VPS54: variants seen among roughly 807,000 people sequenced by gnomAD.
VPS54 encodes VPS54 subunit of GARP complex.
In VPS54, 45 loss-of-function variants were observed where a neutral mutation model predicts 121.5. The ratio of observed to expected loss-of-function variants is 0.37; its 90% CI spans 0.29 to 0.47. VPS54 has a LOEUF of 0.47. Among genes scored for constraint, VPS54 ranks in the 20% least tolerant of loss-of-function variants. VPS54 has a pLI of 0.99. For synonymous variants in VPS54, 371 were observed against 385.8 expected (o/e 0.96, Z 0.45); for missense variants, 1,090 against 1,131.4 (o/e 0.96, Z 0.52).
At chr2:64,017,377 T>G (rs1678758506) in intron 1 of VPS54, among the ~76,000 whole-genome samples, 1 of 150,836 alleles carries the variant, frequency 6.6e-6, no homozygotes, top group Non-Finnish European at 1.5e-5. Context: ...AAGAGTGTGA[T>G]GAAGAAATTC....
chr2:64,008,840 A>G (rs1678292561), intron 1 of VPS54, among the ~76,000 whole-genome samples: 1 of 152,224 alleles, frequency 6.6e-6, no homozygotes, highest in South Asian at 2.1e-4. Flanking sequence ...CTGACTATAC[A>G]GTCAAATACA....
chr2:63,988,569 G>A (rs13023542), intron 1 of VPS54, among the ~76,000 whole-genome samples: 26,736 of 152,054 alleles, frequency 0.18, 3,157 homozygotes, highest in Non-Finnish European at 0.24. Flanking sequence ...AATTTCTTAC[G>A]CCTGTCTTTA....
chr2:64,001,235 G>A (rs1677860507), intron 1 of VPS54, among the ~76,000 whole-genome samples: 1 of 152,126 alleles, frequency 6.6e-6, no homozygotes, highest in Non-Finnish European at 1.5e-5. Flanking sequence ...TCAGCTTGTG[G>A]TGAAGGCTGC....
chr2:63,912,190 A>G (rs1454417479), intron 20 of VPS54, among the ~76,000 whole-genome samples, 155 bp downstream of exon 20: 5 of 152,104 alleles, frequency 3.3e-5, no homozygotes, highest in African/African-American at 9.7e-5. Flanking sequence ...ACATGGTCAC[A>G]TTTTCCTGAA....
At chr2:63,968,700 C>T (rs770122328) in intron 5 of VPS54, among the ~76,000 whole-genome samples, 12 of 151,186 alleles carry the variant, frequency 7.9e-5, no homozygotes, top group South Asian at 2.1e-4. Flanking sequence ...GCCTGCGAGA[C>T]GGGGCAAGAT....
chr2:63,913,069 T>G (rs1673223299), intron 18 of VPS54, among the ~76,000 whole-genome samples, 154 bp downstream of exon 18: 1 of 152,000 alleles, frequency 6.6e-6, no homozygotes, highest in Non-Finnish European at 1.5e-5. Context: ...TTTTTTTCAG[T>G]GATGAGTATA....
intron 11 of VPS54, among the ~76,000 whole-genome samples, chr2:63,942,145 T>C (rs1674769427): frequency 6.6e-6 from 1 of 151,908 alleles, no homozygotes; most frequent in African/African-American, 2.4e-5. Flanking sequence ...TTTGGGGTGA[T>C]TTTGGGGTGT....
intron 1 of VPS54, among the ~76,000 whole-genome samples, chr2:63,985,149 G>A (rs955238324): frequency 2.6e-5 from 4 of 151,970 alleles, no homozygotes; most frequent in African/African-American, 7.3e-5. Context: ...ATGAAACCTC[G>A]TATCTATAAA....
chr2:64,007,280 C>A (rs375128510), intron 1 of VPS54, among the ~76,000 whole-genome samples: 2 of 152,028 alleles, frequency 1.3e-5, no homozygotes, highest in Admixed American at 1.3e-4. Context: ...AAATTGTGCC[C>A]GTGGGAGAGA....
At position 63,897,320 on chromosome 2, in the gene VPS54, ATAGT is replaced by A. The variant is rs200398957; in HGVS notation, c.2828+172_2828+175del. Among the ~76,000 whole-genome samples, 139 of 152,276 alleles carry A rather than the reference ATAGT, an allele frequency of 9.1e-4. No individual in the cohort carries two copies. In the East Asian group the frequency reaches 0.014, roughly 15 times the overall value. ...TTGTCCATGTATAAACCCCTTTTAG[ATAGT>A]TAGATAGAAACAGATATTTCCACAG... is the stretch of plus-strand genomic sequence containing the variant. On this transcript the variant is annotated intron_variant, in intron 22 of 22. Transcript: ENST00000272322.
intron 7 of VPS54, among the ~76,000 whole-genome samples, chr2:63,959,295 T>C (rs1675642247): frequency 6.6e-6 from 1 of 152,208 alleles, no homozygotes; most frequent in Admixed American, 6.5e-5. Flanking sequence ...ATAACAAGTC[T>C]TAAACTACTT....
Position 63,920,625 on chromosome 2 carries a change from A to G in VPS54, c.1872T>C (p.Asp624=), listed in dbSNP as rs1181108855. The change falls in exon 14 of 23, where the codon GAT becomes GAC. Residue 624 remains aspartate, a splice_region_variant and synonymous_variant. Coordinates refer to ENST00000272322, the MANE Select transcript of VPS54 (RefSeq NM_016516.3). ...TGGAATTTAGCTTCTCAAGAAAACC[A>G]TCCTAAATTTTAATACAAAAATCAT... ...AVKFLMSRAK[D]GFLEKLNSME... is the part of the protein sequence containing the mutation. 2 of 1,479,230 alleles carry G rather than the reference A, an allele frequency of 1.4e-6. No individual in the cohort carries two copies. Among genetic ancestry groups the G allele is most frequent in the African/African-American group, 2.9e-5 (2 of 68,884 alleles). 91.6% of individuals were successfully genotyped at this position (1,479,230 alleles called of 1,614,324 possible). A position where few individuals can be genotyped will look rare whatever the true frequency, so the allele number is the denominator to read the frequency against.
Position 63,978,356 on chromosome 2 carries a change from G to T in VPS54, c.378+3290C>A, listed in dbSNP as rs528127883. Among the ~76,000 whole-genome samples the T allele has an allele frequency of 6.6e-5, 10 of 152,196 alleles. No homozygotes were observed. The South Asian group carries it at 2.1e-3, about 32-fold the overall frequency. ...AGGATGAAGCAAGCAAGAAGCATACGGTACAATATTTAAGGAGGTACCCAC... is the reference window on the plus strand; with the variant it reads ...AGGATGAAGCAAGCAAGAAGCATACTGTACAATATTTAAGGAGGTACCCAC... On this transcript the variant is annotated intron_variant, in intron 3 of 22. Transcript: ENST00000272322.
At chr2:63,948,417 T>TTG (rs199577723) in intron 8 of VPS54, among the ~76,000 whole-genome samples, 1,769 of 137,718 alleles carry the variant, frequency 0.013, 44 homozygotes, top group African/African-American at 0.049. Flanking sequence ...TTTTTCGGTT[T>TTG]TTTTTTTTTT....
At chr2:63,964,821 A>C (rs1181078579) in intron 6 of VPS54, among the ~76,000 whole-genome samples, 2 of 152,204 alleles carry the variant, frequency 1.3e-5, no homozygotes, top group Non-Finnish European at 2.9e-5. Context: ...CACTAAAGTA[A>C]AACAAAATCA....
chr2:63,967,686 T>C (rs1400421908), intron 5 of VPS54, among the ~76,000 whole-genome samples: 1 of 117,224 alleles, frequency 8.5e-6, no homozygotes, highest in Non-Finnish European at 1.7e-5. Context: ...GCCACTGCAC[T>C]CCAGCCTGGG....
intron 1 of VPS54, among the ~76,000 whole-genome samples, chr2:64,000,864 G>A (rs539157815): frequency 2.0e-5 from 3 of 152,282 alleles, no homozygotes; most frequent in Admixed American, 6.5e-5. Context: ...AAGGCCCACC[G>A]TAACCACTAC....
chr2:63,915,941 C>A (rs1673362268), intron 16 of VPS54, among the ~76,000 whole-genome samples: 1 of 152,124 alleles, frequency 6.6e-6, no homozygotes, highest in Non-Finnish European at 1.5e-5. Context: ...ATAAACAATT[C>A]TATTATACTA....
At chr2:63,934,135 A>AT (rs1470555344) in intron 11 of VPS54, 122 bp from the exon 12 acceptor site, 12 of 815,364 alleles carry the variant, frequency 1.5e-5, no homozygotes, top group Non-Finnish European at 2.1e-5. Flanking sequence ...AAAGTCATGT[A>AT]TATCAGAATT....
Sources: gnomAD v4.1 joint callset for allele counts (sites outside exome capture counted in the v4.1 genomes callset) on GRCh38, gnomAD v4.1.1 for gene constraint, MANE v1.5 for transcripts, NCBI Gene and HGNC (gene_info 2026-07-23, HGNC 2026-07-21) for gene names.